Variants in BDKRB2 observed in about 807,000 individuals in gnomAD.
The protein encoded by BDKRB2 is bradykinin receptor B2.
Under a neutral mutation model 4.0 loss-of-function variants are expected in BDKRB2, and 6 were observed. The ratio of observed to expected loss-of-function variants is 1.49; its 90% confidence interval spans 0.81 to 2.93. BDKRB2 has a LOEUF of 2.93. Among genes scored for constraint, BDKRB2 ranks in the 30% most tolerant of loss-of-function variants. BDKRB2 has a pLI of 0.00. For synonymous variants in BDKRB2, 225 were observed against 215.3 expected (o/e 1.05, Z -0.40); for missense variants, 478 against 520.1 (o/e 0.92, Z 0.79).
chr14:96,230,301 T>C (rs4905472), intron 1 of BDKRB2, among the ~76,000 whole-genome samples: 138,843 of 152,354 alleles, frequency 0.91, 63,343 homozygotes, highest in East Asian at 1. Context: ...TGACAGAACA[T>C]AGTTGGATGT....
chr14:96,240,653 G>C lies in BDKRB2; in HGVS notation c.325G>C (p.Gly109Arg). ...LAAADLILAC[G>R]LPFWAITISN... ...CGCAGCAGACCTGATCCTGGCCTGC[G>C]GGCTGCCCTTCTGGGCCATCACCAT... is the stretch of plus-strand genomic sequence containing the variant. The change falls in exon 3 of 3, where the codon GGG becomes CGG. Residue 109 changes from glycine to arginine, a missense_variant. Physicochemically the swap from Gly to Arg is moderately radical, Grantham distance 125. Coordinates refer to ENST00000554311, the MANE Select transcript of BDKRB2 (RefSeq NM_001379692.1). 1 of 1,573,682 alleles carries C rather than the reference G, an allele frequency of 6.4e-7. No individual in the cohort carries two copies. The highest frequency in any genetic ancestry group is 8.6e-7 in the Non-Finnish European group (1 of 1,162,610).
At chr14:96,215,471 C>CA (rs11385842) in intron 1 of BDKRB2, among the ~76,000 whole-genome samples, 71,457 of 148,370 alleles carry the variant, frequency 0.48, 17,036 homozygotes, top group South Asian at 0.54. Context: ...AAATGCCAAA[C>CA]AAAAAAAAAA....
At chr14:96,212,512 T>C (rs147779936) in intron 1 of BDKRB2, among the ~76,000 whole-genome samples, 1 of 152,338 alleles carries the variant, frequency 6.6e-6, no homozygotes, top group East Asian at 1.9e-4. Context: ...AAAGCATTAA[T>C]GTCAGTAGGC....
chr14:96,209,829 C>T (rs1463107442), intron 1 of BDKRB2, among the ~76,000 whole-genome samples: 1 of 152,084 alleles, frequency 6.6e-6, no homozygotes, highest in Non-Finnish European at 1.5e-5. Flanking sequence ...AACCCTGTCT[C>T]TACTAAAAAT....
intron 1 of BDKRB2, among the ~76,000 whole-genome samples, chr14:96,226,595 A>G (rs572337287): frequency 2.6e-5 from 4 of 152,272 alleles, no homozygotes; most frequent in African/African-American, 7.2e-5. Context: ...CAGAGGTTGC[A>G]GTGAGCCGAG....
intron 1 of BDKRB2, among the ~76,000 whole-genome samples, chr14:96,208,685 C>T (rs12433275): frequency 0.39 from 59,061 of 151,894 alleles, 11,882 homozygotes; most frequent in South Asian, 0.47. Context: ...TAAGGGTGTC[C>T]AGAAAAAAGC....
chr14:96,208,425 G>A (rs530647937), intron 1 of BDKRB2, among the ~76,000 whole-genome samples: 6 of 152,256 alleles, frequency 3.9e-5, no homozygotes, highest in East Asian at 1.9e-4. Context: ...CTCTCGGTTC[G>A]AATTCACCGT....
At chr14:96,205,646 C>T (rs1388597489) in intron 1 of BDKRB2, among the ~76,000 whole-genome samples, 1 of 152,138 alleles carries the variant, frequency 6.6e-6, no homozygotes, top group Non-Finnish European at 1.5e-5. Flanking sequence ...TTGCATCCGG[C>T]CCAGGTTGCA....
chr14:96,223,427 T>C, intron 1 of BDKRB2: 1 of 703,490 alleles, frequency 1.4e-6, no homozygotes, highest in South Asian at 1.5e-5. Flanking sequence ...CATTATTATG[T>C]TGCCTTCTTG....
intron 1 of BDKRB2, among the ~76,000 whole-genome samples, chr14:96,205,518 G>A (rs1002685996): frequency 1.3e-5 from 2 of 152,136 alleles, no homozygotes; most frequent in African/African-American, 4.8e-5. Context: ...GTTGGCTGAT[G>A]CGCCTCCAGG....
intron 1 of BDKRB2, among the ~76,000 whole-genome samples, chr14:96,227,164 A>G (rs535065322): frequency 6.6e-6 from 1 of 152,250 alleles, no homozygotes; most frequent in East Asian, 1.9e-4. Flanking sequence ...TTTCTTCTTA[A>G]CTACCAGGAG....
intron 1 of BDKRB2, among the ~76,000 whole-genome samples, chr14:96,225,694 C>G (rs1350689942): frequency 5.3e-5 from 8 of 152,146 alleles, no homozygotes; most frequent in African/African-American, 1.9e-4. Context: ...GTGCTCTCCC[C>G]GGCTCCTCTG....
intron 1 of BDKRB2, among the ~76,000 whole-genome samples, chr14:96,224,620 G>A (rs1451004030): frequency 6.6e-6 from 1 of 152,148 alleles, no homozygotes; most frequent in African/African-American, 2.4e-5. Flanking sequence ...CATGTCCCGA[G>A]TTCATCTGAC....
chr14:96,241,797 C>G lies in BDKRB2; in HGVS notation c.*293C>G, dbSNP rs1007612087. ...TGCTCCTTCCCAGGAGTGGAGGAGG[C>G]CTGGGGGCAGGGAGAGGAGTGACTG... On this transcript the variant is annotated 3_prime_UTR_variant, in exon 3 of 3. Transcript: ENST00000554311. 1 of 284,842 alleles carries G rather than the reference C, an allele frequency of 3.5e-6. No homozygotes were observed. Among genetic ancestry groups the G allele is most frequent in the African/African-American group, 2.2e-5 (1 of 45,972 alleles). 17.6% of individuals were successfully genotyped at this position (284,842 alleles called of 1,614,324 possible).
rs910790214 is a variant in BDKRB2, at chr14:96,239,406, C to A, written c.75-997C>A. ...GAGTGGAACTCATGGCTGTCCAAGC[C>A]CCACGCCTCTGCTGAAGGTAGAGAT... On this transcript the variant is annotated intron_variant, in intron 2 of 2. Transcript: ENST00000554311. 3 of 985,250 alleles carry A rather than the reference C, an allele frequency of 3.0e-6. No homozygotes were observed. The African/African-American group carries it at 5.2e-5, about 17-fold the overall frequency. The allele number at this position is 985,250 out of a possible 1,614,324, so 61.0% of individuals were successfully genotyped here.
chr14:96,205,174 T>C (rs796540250), intron 1 of BDKRB2, among the ~76,000 whole-genome samples: 3 of 152,232 alleles, frequency 2.0e-5, no homozygotes, highest in African/African-American at 7.2e-5. Flanking sequence ...TTGTCTGTTG[T>C]AGGTTTCTCT....
chr14:96,207,806 T>C (rs972415499), intron 1 of BDKRB2, among the ~76,000 whole-genome samples: 3 of 150,496 alleles, frequency 2.0e-5, no homozygotes, highest in Non-Finnish European at 3.0e-5. Flanking sequence ...CAGATCTGCA[T>C]GTTGTTTTGA....
At chr14:96,239,649 C>A in intron 2 of BDKRB2, 2 of 953,774 alleles carry the variant, frequency 2.1e-6, no homozygotes, top group Non-Finnish European at 2.5e-6. Flanking sequence ...TGTCTCTGAT[C>A]CCTATCACAA....
chr14:96,213,831 T>C (rs951173280), intron 1 of BDKRB2, among the ~76,000 whole-genome samples: 1 of 151,456 alleles, frequency 6.6e-6, no homozygotes, highest in Non-Finnish European at 1.5e-5. Context: ...ACTTGACAGT[T>C]GAGGAAATGG....
Sources: gnomAD v4.1 joint callset for allele counts (sites outside exome capture counted in the v4.1 genomes callset) on GRCh38, gnomAD v4.1.1 for gene constraint, MANE v1.5 for transcripts, NCBI Gene and HGNC (gene_info 2026-07-23, HGNC 2026-07-21) for gene names.